Variants in ZNF83 observed in about 807,000 individuals in gnomAD.
The protein encoded by ZNF83 is zinc finger protein 816B.
For missense variants in ZNF83, 552 were observed against 629.9 expected, an observed-to-expected ratio of 0.88 and a Z score of 1.32; for synonymous variants, 209 against 213.0, an observed-to-expected ratio of 0.98 and a Z score of 0.17.
chr19:52,632,087 G>C (rs2060990356), intron 2 of ZNF83, among the ~76,000 whole-genome samples: 1 of 152,136 alleles, frequency 6.6e-6, no homozygotes, highest in Non-Finnish European at 1.5e-5. Context: ...CTTTCCTACA[G>C]GGTCTGAGAA....
At chr19:52,619,339 A>G (rs2060446465) in intron 2 of ZNF83, among the ~76,000 whole-genome samples, 1 of 152,192 alleles carries the variant, frequency 6.6e-6, no homozygotes, top group African/African-American at 2.4e-5. Context: ...AAATGTTAGA[A>G]ACTTTTGGCC....
At chr19:52,626,876 A>G (rs1032239063) in intron 2 of ZNF83, among the ~76,000 whole-genome samples, 1 of 152,060 alleles carries the variant, frequency 6.6e-6, no homozygotes, top group African/African-American at 2.4e-5. Flanking sequence ...TTTTCTTATT[A>G]ATATAAGAAG....
chr19:52,630,393 T>C (rs188634119), intron 2 of ZNF83, among the ~76,000 whole-genome samples: 520 of 152,312 alleles, frequency 3.4e-3, no homozygotes, highest in Non-Finnish European at 4.2e-3. Context: ...GGCCTGTTTC[T>C]CTTGCCTCCA....
intron 2 of ZNF83, among the ~76,000 whole-genome samples, chr19:52,629,682 GCT>G (rs2060880043): frequency 6.6e-6 from 1 of 151,994 alleles, no homozygotes; most frequent in Admixed American, 6.6e-5. Flanking sequence ...TAACGTTTAG[GCT>G]CTTTTTCATC....
rs534857091 is a variant in ZNF83, at chr19:52,677,235, G to A, written c.-283+13208C>T. ...GCCTGCAGTTCACACCACAAAGCAT[G>A]AGTGAGACTGGGCTGGAAGTTGGTG... On this transcript the variant is annotated intron_variant, in intron 1 of 5. Transcript: ENST00000594682. Among the ~76,000 whole-genome samples the A allele has an allele frequency of 2.0e-5, 3 of 150,800 alleles. No homozygotes were observed. The East Asian group carries it at 5.9e-4, about 30-fold the overall frequency.
chr19:52,652,262 C>A, intron 3 of ZNF83: 1 of 238,478 alleles, frequency 4.2e-6, no homozygotes, highest in Non-Finnish European at 8.3e-6. Flanking sequence ...ATGGTGAAAC[C>A]CTGTCTCTAC....
intron 1 of ZNF83, chr19:52,635,397 C>T (rs2061112993): frequency 7.9e-6 from 2 of 251,982 alleles, no homozygotes; most frequent in South Asian, 1.5e-4. Context: ...ATGAGCTCCT[C>T]TTCAGGGCGC....
chr19:52,685,393 A>G (rs1568586494), intron 1 of ZNF83, among the ~76,000 whole-genome samples: 1 of 152,166 alleles, frequency 6.6e-6, no homozygotes, highest in Non-Finnish European at 1.5e-5. Flanking sequence ...ATCCTTGAAA[A>G]TTACAGAAGC....
chr19:52,630,339 A>T (rs997443852), intron 2 of ZNF83, among the ~76,000 whole-genome samples: 49 of 152,112 alleles, frequency 3.2e-4, no homozygotes, highest in African/African-American at 1.2e-3. Context: ...TCCCCTTCTT[A>T]ATCAATACGG....
At chr19:52,654,105 A>T in intron 3 of ZNF83, 1 of 1,604,914 alleles carries the variant, frequency 6.2e-7, no homozygotes, top group East Asian at 2.2e-5. Context: ...GTTCAGGCAG[A>T]TGTGAATAAA....
intron 2 of ZNF83, chr19:52,618,758 C>G (rs1241777965): frequency 1.7e-6 from 2 of 1,162,506 alleles, no homozygotes; most frequent in Non-Finnish European, 2.4e-6. Context: ...ATGAAGAACG[C>G]AGAACATCTA....
chr19:52,628,376 C>T (rs536816648), intron 2 of ZNF83, among the ~76,000 whole-genome samples: 2 of 152,294 alleles, frequency 1.3e-5, no homozygotes, highest in South Asian at 4.2e-4. Context: ...TCCAACCTCC[C>T]TCACTATCCC....
chr19:52,645,932 T>G (rs1378863021), intron 3 of ZNF83, among the ~76,000 whole-genome samples: 1 of 152,120 alleles, frequency 6.6e-6, no homozygotes, highest in Non-Finnish European at 1.5e-5. Context: ...ATTTTGTTTA[T>G]TTTTTGTTTG....
At chr19:52,655,597 C>T (rs569248545) in exon 3 of ZNF83, 146 of 1,504,140 alleles carry the variant, frequency 9.7e-5, no homozygotes, top group South Asian at 8.2e-4. Flanking sequence ...TCCAACATCA[C>T]GGCCCTGTAT....
At chr19:52,632,763 G>A (rs1279940265) in intron 2 of ZNF83, among the ~76,000 whole-genome samples, 2 of 151,778 alleles carry the variant, frequency 1.3e-5, no homozygotes, top group Non-Finnish European at 2.9e-5. Context: ...CTCTTATTCC[G>A]TTTAGTTTTT....
intron 3 of ZNF83, among the ~76,000 whole-genome samples, chr19:52,648,385 T>C (rs1475652864): frequency 6.6e-6 from 1 of 152,130 alleles, no homozygotes; most frequent in Non-Finnish European, 1.5e-5. Flanking sequence ...AAGATAACGC[T>C]GTCCAAAAAG....
At chr19:52,662,003 G>A (rs1276262889) in intron 1 of ZNF83, among the ~76,000 whole-genome samples, 2 of 152,094 alleles carry the variant, frequency 1.3e-5, no homozygotes, top group African/African-American at 2.4e-5. Context: ...TGCGTGGCTG[G>A]AGCAGAGGGA....
intron 3 of ZNF83, chr19:52,652,416 A>C: frequency 2.7e-6 from 1 of 368,166 alleles, no homozygotes; most frequent in Middle Eastern, 5.6e-4. Flanking sequence ...GCCTGGACAA[A>C]AGAGTAAGAC....
At chr19:52,645,147 T>C (rs1437680706) in intron 3 of ZNF83, among the ~76,000 whole-genome samples, 1 of 152,100 alleles carries the variant, frequency 6.6e-6, no homozygotes, top group East Asian at 1.9e-4. Context: ...GCTCAAGATT[T>C]TAACAAATGA....
Sources: allele counts gnomAD v4.1 joint callset (sites outside exome capture counted in the v4.1 genomes callset), GRCh38; gene constraint gnomAD v4.1.1; transcripts MANE v1.5; gene names NCBI Gene and HGNC (gene_info 2026-07-23, HGNC 2026-07-21).